APBB2: variants seen among roughly 807,000 people sequenced by gnomAD.
APBB2 encodes the protein amyloid beta precursor protein binding family B member 2.
Under a neutral mutation model 82.5 loss-of-function variants are expected in APBB2, and 38 were observed. That is an observed-to-expected ratio of 0.46 (90% CI 0.36 to 0.60). APBB2 has a LOEUF of 0.60. Among genes scored for constraint, APBB2 ranks in the 20% least tolerant of loss-of-function variants. The pLI is 0.00. For synonymous variants in APBB2, 341 were observed against 368.2 expected (o/e 0.93, Z 0.85); for missense variants, 772 against 972.3 (o/e 0.79, Z 2.74).
rs567841037 is a variant in APBB2 at position 40,815,868 on chromosome 4, C to T, written c.*224G>A. On this transcript the variant is annotated 3_prime_UTR_variant, in exon 18 of 18. Transcript: ENST00000508593. ...ACAATAAGAAAAAGACCTTCCACTG[C>T]GCATGATGTAACTTACAGCAAAAAA... The T allele has an allele frequency of 2.5e-5, 13 of 526,816 alleles. No individual in the cohort carries two copies. Among genetic ancestry groups the T allele is most frequent in the East Asian group, 1.2e-4 (4 of 33,894 alleles). 32.6% of individuals were successfully genotyped at this position (526,816 alleles called of 1,614,324 possible).
At chr4:41,076,429 C>G (rs1337351040) in intron 3 of APBB2, among the ~76,000 whole-genome samples, 2 of 152,142 alleles carry the variant, frequency 1.3e-5, no homozygotes, top group African/African-American at 4.8e-5. Context: ...ACACTAGGAA[C>G]AGTGACCAGG....
intron 6 of APBB2, among the ~76,000 whole-genome samples, chr4:40,981,199 T>C (rs1578941274): frequency 6.6e-6 from 1 of 151,898 alleles, no homozygotes. Flanking sequence ...GGTCAAGAGA[T>C]TGAGACCATC....
chr4:40,850,149 T>C (rs1036849619), intron 12 of APBB2, among the ~76,000 whole-genome samples: 2 of 152,236 alleles, frequency 1.3e-5, no homozygotes, highest in Non-Finnish European at 2.9e-5. Context: ...CATCCTGCTT[T>C]GTTTTTGTTA....
intron 2 of APBB2, among the ~76,000 whole-genome samples, chr4:41,114,310 T>C (rs1384456073): frequency 6.6e-6 from 1 of 152,192 alleles, no homozygotes; most frequent in Admixed American, 6.5e-5. Flanking sequence ...TAGGTATTGA[T>C]GGAACGTATT....
chr4:40,834,668 GCAAATT>G (rs1360664133), intron 12 of APBB2, among the ~76,000 whole-genome samples: 1 of 152,116 alleles, frequency 6.6e-6, no homozygotes, highest in African/African-American at 2.4e-5. Context: ...GGTGGGCCCC[GCAAATT>G]CACAAGGGAA....
intron 12 of APBB2, among the ~76,000 whole-genome samples, chr4:40,830,780 C>T (rs77683425): frequency 0.013 from 1,913 of 152,226 alleles, 17 homozygotes; most frequent in Non-Finnish European, 0.021. Context: ...AAAATACCTA[C>T]GATGTGGGCT....
intron 1 of APBB2, among the ~76,000 whole-genome samples, chr4:41,178,552 G>A (rs1230199915): frequency 6.6e-6 from 1 of 152,222 alleles, no homozygotes; most frequent in African/African-American, 2.4e-5. Context: ...ATCTATCACA[G>A]TGCATGGCCC....
chr4:41,128,927 T>C (rs974873167), intron 2 of APBB2, among the ~76,000 whole-genome samples: 17 of 152,138 alleles, frequency 1.1e-4, no homozygotes, highest in Non-Finnish European at 2.1e-4. Context: ...TACCTGCCTT[T>C]CCTACTACAG....
chr4:40,949,328 C>T (rs1026835443), intron 6 of APBB2, among the ~76,000 whole-genome samples: 3 of 152,102 alleles, frequency 2.0e-5, no homozygotes, highest in Non-Finnish European at 4.4e-5. Flanking sequence ...CAGACCTTTC[C>T]TGATCTTTTC....
At chr4:40,965,160 A>G (rs1794373828) in intron 6 of APBB2, among the ~76,000 whole-genome samples, 1 of 151,672 alleles carries the variant, frequency 6.6e-6, no homozygotes, top group Admixed American at 6.6e-5. Context: ...CTATGGGTGG[A>G]AAAACGTGGC....
At chr4:41,077,113 T>G (rs1436672347) in intron 3 of APBB2, among the ~76,000 whole-genome samples, 1 of 150,218 alleles carries the variant, frequency 6.7e-6, no homozygotes, top group Non-Finnish European at 1.5e-5. Flanking sequence ...CAAGTGATCC[T>G]CCCACCTCAA....
chr4:41,115,730 G>T (rs1750762773), intron 2 of APBB2, among the ~76,000 whole-genome samples: 1 of 152,148 alleles, frequency 6.6e-6, no homozygotes. Context: ...ATCATCACTG[G>T]TCATTACAGA....
intron 3 of APBB2, among the ~76,000 whole-genome samples, chr4:41,074,649 G>A (rs1384035877): frequency 5.6e-5 from 8 of 142,454 alleles, no homozygotes; most frequent in South Asian, 2.2e-4. Flanking sequence ...TTGCTCTGTC[G>A]CCCAGGCTGG....
At chr4:41,064,568 G>T (rs1731031279) in intron 4 of APBB2, among the ~76,000 whole-genome samples, 1 of 152,180 alleles carries the variant, frequency 6.6e-6, no homozygotes, top group African/African-American at 2.4e-5. Context: ...GGAGCAAGAA[G>T]TAAGTCTGAG....
At position 40,815,343 on chromosome 4, in the gene APBB2, ATC is replaced by A. The variant is rs909762942; in HGVS notation, c.*747_*748del. On this transcript the variant is annotated 3_prime_UTR_variant, in exon 18 of 18. Transcript: ENST00000508593. ...CCCAAAATGCATTATGATTTTATTA[ATC>A]TCTTTTAAAAATAATCAGTTTGAAA... 9.8e-5 allele frequency: 15 copies of A among 152,666 alleles called. No individual in the cohort carries two copies. The highest frequency in any genetic ancestry group is 3.6e-4 in the African/African-American group (15 of 41,468). 9.5% of individuals were successfully genotyped at this position (152,666 alleles called of 1,614,324 possible).
chr4:41,095,100 G>A (rs886303725), intron 3 of APBB2, among the ~76,000 whole-genome samples: 2 of 152,198 alleles, frequency 1.3e-5, no homozygotes, highest in Non-Finnish European at 2.9e-5. Flanking sequence ...AAATGGTTAA[G>A]AGCATAAACA....
intron 15 of APBB2, 22 bp downstream of exon 15, chr4:40,825,865 A>T: frequency 6.2e-7 from 1 of 1,607,408 alleles, no homozygotes; most frequent in African/African-American, 1.3e-5. Flanking sequence ...CAAAGTGGAA[A>T]GACAATAAAC....
intron 12 of APBB2, among the ~76,000 whole-genome samples, chr4:40,842,759 G>A (rs1333120677): frequency 1.3e-5 from 2 of 152,130 alleles, no homozygotes; most frequent in African/African-American, 2.4e-5. Context: ...AGAAACAACG[G>A]CATGGACATA....
At chr4:40,905,844 A>G (rs1776553817) in intron 10 of APBB2, among the ~76,000 whole-genome samples, 2 of 152,146 alleles carry the variant, frequency 1.3e-5, no homozygotes, top group Non-Finnish European at 2.9e-5. Context: ...CCGCACTGAG[A>G]GATCTCTTTG....
Sources: allele counts gnomAD v4.1 joint callset (sites outside exome capture counted in the v4.1 genomes callset), GRCh38; gene constraint gnomAD v4.1.1; transcripts MANE v1.5; gene names NCBI Gene and HGNC (gene_info 2026-07-23, HGNC 2026-07-21).